MYH16: variants seen among roughly 807,000 people sequenced by gnomAD.
The protein encoded by MYH16 is myosin heavy chain 16.
intron 1 of MYH16, among the ~76,000 whole-genome samples, chr7:99,241,855 A>G (rs1791671161): frequency 1.0e-5 from 1 of 96,548 alleles, no homozygotes; most frequent in African/African-American, 2.9e-5. Flanking sequence ...AAGAGCTGGC[A>G]CTAGTTTTTT....
intron 38 of MYH16, 144 bp from the exon 20 acceptor site, chr7:99,302,921 G>C (rs1267014723): frequency 6.6e-6 from 1 of 151,964 alleles, no homozygotes; most frequent in Non-Finnish European, 1.5e-5. Flanking sequence ...GCAGGAGAGG[G>C]ACCCATACCC....
At chr7:99,276,744 G>A (rs1792116399) in intron 20 of MYH16, among the ~76,000 whole-genome samples, 1 of 152,232 alleles carries the variant, frequency 6.6e-6, no homozygotes, top group Non-Finnish European at 1.5e-5. Flanking sequence ...GTCGAGAGGT[G>A]TGACTTCATG....
intron 32 of MYH16, among the ~76,000 whole-genome samples, chr7:99,292,831 G>A (rs563630267): frequency 3.3e-5 from 5 of 152,068 alleles, no homozygotes; most frequent in South Asian, 4.2e-4. Flanking sequence ...ATGGTGGCAC[G>A]TGCCTGTAGT....
At chr7:99,283,441 T>G in intron 23 of MYH16, 124 bp from the exon 6 acceptor site, 1 of 399,408 alleles carries the variant, frequency 2.5e-6, no homozygotes, top group South Asian at 1.8e-5. Context: ...ACCTACTCAC[T>G]GAAGTCAACT....
At chr7:99,280,222 C>A (rs1792183787) in intron 22 of MYH16, among the ~76,000 whole-genome samples, 2 of 152,242 alleles carry the variant, frequency 1.3e-5, no homozygotes, top group Non-Finnish European at 1.5e-5. Flanking sequence ...AAATGCAATT[C>A]CTCAGTTGCA....
intron 29 of MYH16, among the ~76,000 whole-genome samples, chr7:99,288,725 T>A (rs1792323537): frequency 6.6e-6 from 1 of 152,124 alleles, no homozygotes; most frequent in Non-Finnish European, 1.5e-5. Flanking sequence ...TAAAATAACC[T>A]GTGCTTCGAT....
In MYH16 at chr7:99,296,684, T is replaced by C. The variant is rs1417712280; in HGVS notation, n.4283-17T>C. On this transcript the variant is annotated splice_polypyrimidine_tract_variant and intron_variant and non_coding_transcript_variant, in intron 33 of 41. Transcript: ENST00000439784. ...AAGGAGGTTGGACCCCTAGAGGCCATTTCCAACTTTCCCTAGGCCAATGCT... is the reference window on the plus strand; with the variant it reads ...AAGGAGGTTGGACCCCTAGAGGCCACTTCCAACTTTCCCTAGGCCAATGCT... 3.7e-5 allele frequency: 17 copies of C among 454,850 alleles called. No homozygotes were observed. Among genetic ancestry groups the C allele is most frequent in the South Asian group, 2.6e-4 (17 of 64,466 alleles). The allele number at this position is 454,850 out of a possible 1,614,324, so 28.2% of individuals were successfully genotyped here.
chr7:99,277,878 CGTGTGTGTGT>C lies in MYH16; in HGVS notation n.2659+196_2659+205del, dbSNP rs61634087. 8.7e-3 allele frequency among the ~76,000 whole-genome samples: 1,063 copies of C among 121,638 alleles called. 24 individuals are homozygous for C. Among genetic ancestry groups the C allele is most frequent in the African/African-American group, 0.04 (1,000 of 25,060 alleles). 79.8% of individuals were successfully genotyped at this position (121,638 alleles called of 152,430 possible). A position where few individuals can be genotyped will look rare whatever the true frequency, so the allele number is the denominator to read the frequency against. ...ACTTCCAAAAAGTCTCCATCCAATT[CGTGTGTGTGT>C]GTGTGTGTGTGTGTGTGTGTGTGTG... On this transcript the variant is annotated intron_variant and non_coding_transcript_variant, in intron 21 of 41. Transcript: ENST00000439784.
chr7:99,292,473 T>C (rs1792399952), exon 32 of MYH16: 1 of 470,232 alleles, frequency 2.1e-6, no homozygotes. Flanking sequence ...ACGAGACCGA[T>C]GCCATCCAGA....
chr7:99,240,906 G>A (rs772762897), intron 1 of MYH16, among the ~76,000 whole-genome samples: 4 of 152,008 alleles, frequency 2.6e-5, no homozygotes, highest in Non-Finnish European at 5.9e-5. Context: ...TTTTCTCTGC[G>A]CCTGTCTTCG....
chr7:99,254,695 A>G (rs1470158145), intron 8 of MYH16, among the ~76,000 whole-genome samples: 2 of 152,122 alleles, frequency 1.3e-5, no homozygotes, highest in Non-Finnish European at 2.9e-5. Flanking sequence ...AGGGATGAAG[A>G]CTCAGTCTTA....
intron 20 of MYH16, among the ~76,000 whole-genome samples, chr7:99,275,013 G>T (rs1792092503): frequency 6.6e-6 from 1 of 150,962 alleles, no homozygotes; most frequent in Admixed American, 6.6e-5. Context: ...ATTTTTTTTT[G>T]ACACAGGGTC....
chr7:99,241,413 T>C (rs1328366101), intron 1 of MYH16, among the ~76,000 whole-genome samples: 2 of 152,008 alleles, frequency 1.3e-5, no homozygotes, highest in Non-Finnish European at 2.9e-5. Context: ...TGAAACCCCA[T>C]CTCTACCAAA....
At chr7:99,251,013 T>C (rs774966843) in intron 5 of MYH16, 6 of 154,716 alleles carry the variant, frequency 3.9e-5, no homozygotes, top group Admixed American at 2.0e-4. Context: ...GCCACTGTCA[T>C]TTGCAAGCCC....
intron 34 of MYH16, 54 bp from the exon 16 acceptor site, chr7:99,297,606 C>A: frequency 2.3e-6 from 1 of 432,202 alleles, no homozygotes; most frequent in South Asian, 1.6e-5. Flanking sequence ...GACGGTGCCA[C>A]CTGCCATGAC....
intron 37 of MYH16, among the ~76,000 whole-genome samples, chr7:99,299,953 T>G (rs975269115): frequency 6.7e-6 from 1 of 149,662 alleles, no homozygotes. Flanking sequence ...ATTTATTTAT[T>G]TATTTATTTA....
At chr7:99,259,708 A>G (rs754163230) in intron 11 of MYH16, among the ~76,000 whole-genome samples, 23 of 149,444 alleles carry the variant, frequency 1.5e-4, no homozygotes, top group Non-Finnish European at 2.8e-4. Flanking sequence ...GTGTGTGTAT[A>G]TATATATATG....
intron 7 of MYH16, chr7:99,253,605 G>C (rs1791838358): frequency 6.6e-6 from 1 of 151,190 alleles, no homozygotes; most frequent in Admixed American, 6.6e-5. Context: ...GAAGAGCGAA[G>C]CGTGGGGCTC....
chr7:99,284,939 T>C lies in MYH16; in HGVS notation n.3316+4T>C, dbSNP rs1243012153. The C allele has an allele frequency of 2.2e-6, 1 of 456,690 alleles. No homozygotes were observed. The highest frequency in any genetic ancestry group is 4.4e-6 in the Non-Finnish European group (1 of 226,974). The allele number at this position is 456,690 out of a possible 1,614,324, so 28.3% of individuals were successfully genotyped here. A position where few individuals can be genotyped will look rare whatever the true frequency, so the allele number is the denominator to read the frequency against. ...GCGGAAACTGAAGGAGCACCAGGTA[T>C]GTCCAGGACCGAGAAGCATGAGCTC... On this transcript the variant is annotated splice_donor_region_variant and intron_variant and non_coding_transcript_variant, in intron 26 of 41. Coordinates refer to ENST00000439784, the Ensembl canonical transcript of MYH16.
Sources: allele counts gnomAD v4.1 joint callset (sites outside exome capture counted in the v4.1 genomes callset), GRCh38; gene constraint gnomAD v4.1.1; transcripts MANE v1.5; gene names NCBI Gene and HGNC (gene_info 2026-07-23, HGNC 2026-07-21).